Variants in TXLNB observed in about 807,000 individuals in gnomAD.
TXLNB encodes the protein taxilin beta, also known as beta-taxilin.
TXLNB carries 37 observed loss-of-function variants against 57.4 expected under a neutral mutation model. The observed-to-expected ratio is 0.64, with a 90% CI of 0.50 to 0.85. The LOEUF (loss-of-function observed/expected upper bound fraction) is 0.85. TXLNB is among the 40% of genes least tolerant of loss of function. The pLI is 0.00. For missense variants in TXLNB, 848 were observed against 825.6 expected (o/e 1.03, Z -0.33); for synonymous variants, 302 against 309.6 (o/e 0.98, Z 0.26).
At chr6:139,217,493 T>C in the TXLNB span, among the ~76,000 whole-genome samples, 1 of 152,284 alleles carries the variant, frequency 6.6e-6, no homozygotes, top group East Asian at 1.9e-4. Context: ...ACTAAAATCA[T>C]AGTAAAATAC....
intron 4 of TXLNB, among the ~76,000 whole-genome samples, chr6:139,269,850 C>T (rs1348822272): frequency 6.6e-6 from 1 of 152,186 alleles, no homozygotes; most frequent in Non-Finnish European, 1.5e-5. Context: ...ACTGCTAGGG[C>T]TTACGCTGTA....
chr6:139,298,304 A>G, the TXLNB span, among the ~76,000 whole-genome samples: 2 of 152,250 alleles, frequency 1.3e-5, no homozygotes, highest in African/African-American at 4.8e-5. Context: ...TAACAATTTC[A>G]TCATGAAAGT....
the TXLNB span, chr6:139,166,696 A>G: frequency 1.9e-6 from 3 of 1,613,030 alleles, no homozygotes; most frequent in South Asian, 2.2e-5. Flanking sequence ...GCAGGCCCCC[A>G]AATAAGCCCC....
the TXLNB span, among the ~76,000 whole-genome samples, chr6:139,224,010 A>G: frequency 6.9e-4 from 101 of 147,186 alleles, no homozygotes; most frequent in African/African-American, 1.6e-3. Context: ...TGTTTATTGC[A>G]GCACTATTCA....
the TXLNB span, among the ~76,000 whole-genome samples, chr6:139,212,563 G>A: frequency 5.4e-3 from 823 of 152,240 alleles, 7 homozygotes; most frequent in East Asian, 0.031. Context: ...GGAAGAAACT[G>A]CATCAACTAA....
chr6:139,176,566 A>G, the TXLNB span, among the ~76,000 whole-genome samples: 1 of 152,192 alleles, frequency 6.6e-6, no homozygotes, highest in Non-Finnish European at 1.5e-5. This position sits in a 1 kb window ranked among gnomAD's most constrained non-coding sequence, Gnocchi z 4.5. Flanking sequence ...AGAAAACGCA[A>G]CTTTTCTATA....
the TXLNB span, among the ~76,000 whole-genome samples, chr6:139,202,640 A>G: frequency 6.6e-6 from 1 of 152,224 alleles, no homozygotes; most frequent in African/African-American, 2.4e-5. Context: ...CATGTATACA[A>G]TGTATAATCA....
the TXLNB span, among the ~76,000 whole-genome samples, chr6:139,165,352 A>G: frequency 6.6e-6 from 1 of 152,082 alleles, no homozygotes; most frequent in Non-Finnish European, 1.5e-5. Context: ...AGCCTCCCCC[A>G]CTGTGAATAC....
the TXLNB span, among the ~76,000 whole-genome samples, chr6:139,159,508 G>A: frequency 6.6e-6 from 1 of 152,134 alleles, no homozygotes; most frequent in Non-Finnish European, 1.5e-5. Flanking sequence ...TAGCAGGAAT[G>A]ATGTTAGTTT....
the TXLNB span, among the ~76,000 whole-genome samples, chr6:139,310,912 C>T: frequency 6.6e-6 from 1 of 152,200 alleles, no homozygotes; most frequent in South Asian, 2.1e-4. Context: ...CCAGGTGGAT[C>T]TCGAACTCCT....
chr6:139,250,527 C>A (rs1004355676), intron 7 of TXLNB, among the ~76,000 whole-genome samples: 1 of 152,012 alleles, frequency 6.6e-6, no homozygotes, highest in Admixed American at 6.6e-5. Context: ...AGGGTGGGAA[C>A]AACTACCCCC....
At chr6:139,302,717 G>A in the TXLNB span, among the ~76,000 whole-genome samples, 1 of 151,880 alleles carries the variant, frequency 6.6e-6, no homozygotes, top group Non-Finnish European at 1.5e-5. Context: ...CGGGAAGGAG[G>A]AGGTTGCAGT....
chr6:139,207,034 C>T, the TXLNB span, among the ~76,000 whole-genome samples: 8 of 152,136 alleles, frequency 5.3e-5, no homozygotes, highest in East Asian at 1.9e-4. Context: ...AATAATAGTG[C>T]GGGACTTCAG....
Position 139,242,861 on chromosome 6 carries a change from G to C in TXLNB, c.1720C>G (p.Pro574Ala). ...EAEGGSDAEPPSKASNSPAGL... is the reference protein window; with the variant it reads ...EAEGGSDAEPASKASNSPAGL... ...GCAGGAGAATTACTGGCCTTGGAGG[G>C]AGGTTCAGCATCACTGCCTCCTTCG... The change falls in exon 10 of 10, where the codon CCC becomes GCC. Residue 574 changes from proline (P) to alanine (A), a missense_variant. By Grantham distance (27) the Pro-to-Ala change is conservative (BLOSUM62 -1). Transcript: ENST00000358430. 1 of 1,614,166 alleles carries C rather than the reference G, an allele frequency of 6.2e-7. No homozygotes were observed. Among genetic ancestry groups the C allele is most frequent in the Non-Finnish European group, 8.5e-7 (1 of 1,180,022 alleles).
At chr6:139,190,309 C>CTTTTT in the TXLNB span, among the ~76,000 whole-genome samples, 87 of 115,194 alleles carry the variant, frequency 7.6e-4, no homozygotes, top group African/African-American at 9.2e-4. Context: ...TTCTTTCTTT[C>CTTTTT]TTTTTTTTTT....
At chr6:139,168,380 T>TC in the TXLNB span, among the ~76,000 whole-genome samples, 1 of 151,746 alleles carries the variant, frequency 6.6e-6, no homozygotes, top group Admixed American at 6.6e-5. Flanking sequence ...AGTCTAGGAC[T>TC]CCTTTTGTTT....
chr6:139,263,720 C>A (rs949376685), intron 4 of TXLNB, among the ~76,000 whole-genome samples: 1 of 152,078 alleles, frequency 6.6e-6, no homozygotes, highest in Non-Finnish European at 1.5e-5. Flanking sequence ...TTTGCTACAT[C>A]CTACCAAAGA....
the TXLNB span, among the ~76,000 whole-genome samples, chr6:139,200,474 G>T: frequency 2.0e-5 from 3 of 152,154 alleles, no homozygotes; most frequent in Non-Finnish European, 4.4e-5. Flanking sequence ...GCACACCATG[G>T]AAGGATATTG....
chr6:139,172,844 C>T, the TXLNB span, among the ~76,000 whole-genome samples: 1 of 152,224 alleles, frequency 6.6e-6, no homozygotes, highest in Non-Finnish European at 1.5e-5. Flanking sequence ...TTCTGTAATG[C>T]TGCTGTTAGG....
Sources: allele counts gnomAD v4.1 joint callset (sites outside exome capture counted in the v4.1 genomes callset), GRCh38; gene constraint gnomAD v4.1.1; non-coding constraint Gnocchi (gnomAD v3.1); transcripts MANE v1.5; gene names NCBI Gene and HGNC (gene_info 2026-07-23, HGNC 2026-07-21).